Variants in AK3 observed in about 807,000 individuals in gnomAD.
The protein encoded by AK3 is adenylate kinase 3, also known as GTP:AMP phosphotransferase AK3, mitochondrial.
Under a neutral mutation model 23.7 loss-of-function variants are expected in AK3, and 27 were observed. That is an observed-to-expected ratio of 1.14 (90% CI 0.84 to 1.57). The LOEUF is 1.57. Ranked by LOEUF, AK3 falls within the 40% of genes most tolerant of loss-of-function variation. AK3 has a pLI of 0.00. For synonymous variants in AK3, 159 were observed against 116.0 expected (o/e 1.37, Z -2.38); for missense variants, 406 against 285.6 (o/e 1.42, Z -3.04).
intron 1 of AK3, among the ~76,000 whole-genome samples, chr9:4,727,041 C>G (rs557487355): frequency 6.6e-6 from 1 of 152,234 alleles, no homozygotes; most frequent in East Asian, 1.9e-4. Context: ...CAATAGTTCT[C>G]AACAGTGGGC....
In AK3 at chr9:4,711,656, G is replaced by A. The variant is rs1841565328; in HGVS notation, c.*1320C>T. 1 of 152,188 alleles carries A rather than the reference G, an allele frequency of 6.6e-6. No homozygotes were observed. The highest frequency in any genetic ancestry group is 2.4e-5 in the African/African-American group (1 of 41,436). 9.4% of individuals were successfully genotyped at this position (152,188 alleles called of 1,614,324 possible). A position where few individuals can be genotyped will look rare whatever the true frequency, so the allele number is the denominator to read the frequency against. ...TGATTTGGCACGAAGTAAAGTAAGAGTAAATATGCCATGGAAGACATAATC... is the reference window on the plus strand; with the variant it reads ...TGATTTGGCACGAAGTAAAGTAAGAATAAATATGCCATGGAAGACATAATC... On this transcript the variant is annotated 3_prime_UTR_variant, in exon 5 of 5. Transcript: ENST00000381809.
At chr9:4,719,401 A>C in intron 2 of AK3, 94 bp from the exon 3 acceptor site, 1 of 1,074,188 alleles carries the variant, frequency 9.3e-7, no homozygotes. Context: ...AAAAAGAAAG[A>C]ATTAATGTTG....
At chr9:4,740,031 A>C (rs1020924662) in intron 1 of AK3, among the ~76,000 whole-genome samples, 8 of 143,138 alleles carry the variant, frequency 5.6e-5, no homozygotes, top group Non-Finnish European at 1.1e-4. Context: ...TTTTTATGCT[A>C]TGCACGTCTA....
chr9:4,739,844 T>C (rs1842383501), intron 1 of AK3, among the ~76,000 whole-genome samples: 1 of 151,906 alleles, frequency 6.6e-6, no homozygotes, highest in African/African-American at 2.4e-5. Context: ...GACAGGAGAA[T>C]TGCTTGAACC....
At chr9:4,735,312 AATATATATATACATATATAAAT>A (rs1563798328) in intron 1 of AK3, among the ~76,000 whole-genome samples, 409 of 10,924 alleles carry the variant, frequency 0.037, 11 homozygotes, top group Admixed American at 0.054. Context: ...TACATATATA[AATATATATATACATATATAAAT>A]ATATATATAC....
chr9:4,738,031 T>C (rs1842337359), intron 1 of AK3, among the ~76,000 whole-genome samples: 1 of 152,204 alleles, frequency 6.6e-6, no homozygotes, highest in Non-Finnish European at 1.5e-5. Flanking sequence ...AGGAATTTAT[T>C]TGAAGGAAAT....
rs534163650 is a variant in AK3, at chr9:4,713,829, GCCACACAGATTCCCT to G, written c.564-748_564-734del. Among the ~76,000 whole-genome samples the G allele has an allele frequency of 7.2e-3, 787 of 109,426 alleles. 1 individual carries two copies. Among genetic ancestry groups the G allele is most frequent in the Non-Finnish European group, 0.011 (538 of 49,256 alleles). 71.8% of individuals were successfully genotyped at this position (109,426 alleles called of 152,430 possible). ...TCAGAATCCTGGGGGTGCTTTTCAA[GCCACACAGATTCCCT>G]CCAAAGATTCTGGCCTTCCTCTTGC... On this transcript the variant is annotated intron_variant, in intron 4 of 4. Coordinates refer to ENST00000381809, the MANE Select transcript of AK3 (RefSeq NM_016282.4).
rs1045782637 is a variant in AK3, at chr9:4,712,847, C to T, written c.*129G>A. The T allele has an allele frequency of 2.4e-5, 26 of 1,063,122 alleles. No individual in the cohort carries two copies. In the African/African-American group the frequency reaches 4.2e-4, roughly 17 times the overall value. 65.9% of individuals were successfully genotyped at this position (1,063,122 alleles called of 1,614,324 possible). ...ACATCCTTAGTATCCAAAATAAAAT[C>T]AGTAGAAATAAAAGTAATATAATTT... On this transcript the variant is annotated 3_prime_UTR_variant, in exon 5 of 5. Transcript: ENST00000381809.
chr9:4,736,689 CT>C (rs879490252), intron 1 of AK3, among the ~76,000 whole-genome samples: 106 of 145,256 alleles, frequency 7.3e-4, no homozygotes, highest in Admixed American at 6.9e-4. Flanking sequence ...GTTATGTCTC[CT>C]TTTTTTTTTT....
At chr9:4,734,967 AG>A (rs925660962) in intron 1 of AK3, among the ~76,000 whole-genome samples, 7 of 151,768 alleles carry the variant, frequency 4.6e-5, no homozygotes, top group African/African-American at 9.7e-5. Context: ...AAGAGACAGG[AG>A]GTGAGTTGGT....
At chr9:4,734,233 G>A (rs544596025) in intron 1 of AK3, among the ~76,000 whole-genome samples, 3 of 152,196 alleles carry the variant, frequency 2.0e-5, no homozygotes, top group Non-Finnish European at 2.9e-5. Flanking sequence ...AAGGCAACTA[G>A]ACAGGCCAGG....
chr9:4,741,083 C>G lies in AK3; in HGVS notation c.5G>C (p.Gly2Ala). The G allele has an allele frequency of 2.6e-6, 4 of 1,538,094 alleles. No individual in the cohort carries two copies. The highest frequency in any genetic ancestry group is 3.5e-6 in the Non-Finnish European group (4 of 1,143,818). The change falls in exon 1 of 5, where the codon GGG becomes GCG. Residue 2 changes from glycine (G) to alanine (A), a missense_variant. Gly to Ala is a moderately conservative substitution (Grantham distance 60). Transcript: ENST00000381809. ...CGCTCGCAGCAGCCGCGCGGACGCCCCCATGGCCGCAGACTGAGGCCCGCA... is the reference window on the plus strand; with the variant it reads ...CGCTCGCAGCAGCCGCGCGGACGCCGCCATGGCCGCAGACTGAGGCCCGCA... M[G>A]ASARLLRAVI...
rs895205742 is a variant in AK3, at chr9:4,740,458, G to T, written c.151+479C>A. On this transcript the variant is annotated intron_variant, in intron 1 of 4. Transcript: ENST00000381809. ...TTGGCCTTGGGAATATGGGGGAAAG[G>T]TCAGAACTACAAGATCTCATAGAGC... Among the ~76,000 whole-genome samples the T allele has an allele frequency of 1.1e-4, 17 of 152,256 alleles. No homozygotes were observed. In the East Asian group the frequency reaches 2.9e-3, roughly 26 times the overall value.
chr9:4,738,389 C>T (rs2130917356), intron 1 of AK3, among the ~76,000 whole-genome samples: 1 of 152,258 alleles, frequency 6.6e-6, no homozygotes. Flanking sequence ...TGGTCTTGAA[C>T]TCCTGACCTC....
chr9:4,726,946 C>T (rs1024046187), intron 1 of AK3, among the ~76,000 whole-genome samples: 2 of 151,970 alleles, frequency 1.3e-5, no homozygotes, highest in African/African-American at 2.4e-5. Flanking sequence ...CATGAATTTC[C>T]GTGTACATCT....
At chr9:4,718,826 G>C (rs573184799) in intron 3 of AK3, among the ~76,000 whole-genome samples, 52 of 152,294 alleles carry the variant, frequency 3.4e-4, no homozygotes, top group African/African-American at 1.3e-3. Flanking sequence ...TATAAACTTG[G>C]AATTTCAACT....
intron 1 of AK3, among the ~76,000 whole-genome samples, chr9:4,729,270 A>T (rs375413004): frequency 6.6e-6 from 1 of 152,066 alleles, no homozygotes; most frequent in Non-Finnish European, 1.5e-5. Context: ...TTTGCCTCCC[A>T]AAGTGCTGTG....
intron 1 of AK3, 121 bp downstream of exon 1, chr9:4,740,816 G>GGCGGCGGGAGGGAAATGCC: frequency 2.4e-6 from 3 of 1,229,772 alleles, no homozygotes; most frequent in Non-Finnish European, 3.2e-6. Context: ...CTCTGTCCCG[G>GGCGGCGGGAGGGAAATGCC]GCGGCGGGAG....
chr9:4,723,979 A>C (rs1841963624), intron 1 of AK3, among the ~76,000 whole-genome samples: 1 of 152,252 alleles, frequency 6.6e-6, no homozygotes, highest in Non-Finnish European at 1.5e-5. Flanking sequence ...CTAAATTGTC[A>C]GATTCATGAA....
Sources: allele counts gnomAD v4.1 joint callset (sites outside exome capture counted in the v4.1 genomes callset), GRCh38; gene constraint gnomAD v4.1.1; transcripts MANE v1.5; gene names NCBI Gene and HGNC (gene_info 2026-07-23, HGNC 2026-07-21).